ATG5: variants seen among roughly 807,000 people sequenced by gnomAD.
The protein encoded by ATG5 is autophagy related 5.
Under a neutral mutation model 36.5 loss-of-function variants are expected in ATG5, and 14 were observed. The ratio of observed to expected loss-of-function variants is 0.38; its 90% CI spans 0.25 to 0.60. The LOEUF is 0.60. Among genes scored for constraint, ATG5 ranks in the 20% least tolerant of loss-of-function variants. The pLI, the probability that ATG5 is intolerant of heterozygous loss-of-function variation, is 0.60. For missense variants in ATG5, 195 were observed against 326.7 expected, an observed-to-expected ratio of 0.60 and a Z score of 3.11; for synonymous variants, 95 against 101.5, an observed-to-expected ratio of 0.94 and a Z score of 0.38.
At chr6:106,225,618 T>A (rs1394861007) in intron 6 of ATG5, among the ~76,000 whole-genome samples, 1 of 152,128 alleles carries the variant, frequency 6.6e-6, no homozygotes, top group African/African-American at 2.4e-5. Context: ...GAATATACTC[T>A]CCTCCATAAA....
intron 3 of ATG5, among the ~76,000 whole-genome samples, chr6:106,306,383 G>A (rs937419943): frequency 1.8e-4 from 27 of 152,178 alleles, no homozygotes; most frequent in African/African-American, 6.5e-4. Context: ...GCTAAATTGA[G>A]GTTTCCCAAA....
rs116395787 is a variant in ATG5 at position 106,262,791 on chromosome 6, T to C, written c.479-14547A>G. On this transcript the variant is annotated intron_variant, in intron 5 of 7. Coordinates refer to ENST00000369076, the MANE Select transcript of ATG5 (RefSeq NM_004849.4). ...TCCCTCCCCCAGCCAAGGGAAGCCA[T>C]GAGGTACTGTGCTACCCGGCTGGGT... 4.4e-3 allele frequency among the ~76,000 whole-genome samples: 672 copies of C among 152,276 alleles called. 7 individuals are homozygous for C. Among genetic ancestry groups the C allele is most frequent in the African/African-American group, 0.015 (642 of 41,558 alleles).
At chr6:106,238,370 G>A (rs1777980161) in intron 6 of ATG5, among the ~76,000 whole-genome samples, 1 of 152,182 alleles carries the variant, frequency 6.6e-6, no homozygotes, top group East Asian at 1.9e-4. Context: ...ATTAAAGACA[G>A]CTTACCCCAA....
intron 6 of ATG5, among the ~76,000 whole-genome samples, chr6:106,220,300 T>TA: frequency 6.6e-6 from 1 of 152,318 alleles, no homozygotes. Flanking sequence ...TAACTGTACT[T>TA]ATATCATCTC....
chr6:106,319,975 A>G (rs2114687818), intron 1 of ATG5, among the ~76,000 whole-genome samples: 1 of 152,388 alleles, frequency 6.6e-6, no homozygotes, highest in Non-Finnish European at 1.5e-5. Flanking sequence ...TACTACTTTA[A>G]ATATCAAGTA....
chr6:106,286,522 C>T (rs927156956), intron 4 of ATG5, among the ~76,000 whole-genome samples: 2 of 152,122 alleles, frequency 1.3e-5, no homozygotes, highest in Non-Finnish European at 2.9e-5. Flanking sequence ...GTTTGCATGA[C>T]CCTCCATGAT....
intron 5 of ATG5, among the ~76,000 whole-genome samples, chr6:106,274,429 AG>A (rs1364457162): frequency 7.2e-5 from 11 of 152,300 alleles, no homozygotes; most frequent in African/African-American, 2.6e-4. Context: ...CAGAGTTCTG[AG>A]AAATTAAAAT....
chr6:106,298,028 G>T (rs193009988), intron 3 of ATG5, among the ~76,000 whole-genome samples: 1 of 149,910 alleles, frequency 6.7e-6, no homozygotes, highest in Non-Finnish European at 1.5e-5. Context: ...GCAGTTGTGC[G>T]ATCTTGGCTC....
At chr6:106,302,408 G>C (rs1184002662) in intron 3 of ATG5, among the ~76,000 whole-genome samples, 1 of 151,898 alleles carries the variant, frequency 6.6e-6, no homozygotes, top group Non-Finnish European at 1.5e-5. Flanking sequence ...GTCAGAATAG[G>C]GTTCTTGAGG....
At chr6:106,313,866 A>G (rs137958546) in intron 2 of ATG5, among the ~76,000 whole-genome samples, 43 of 152,328 alleles carry the variant, frequency 2.8e-4, no homozygotes, top group African/African-American at 9.4e-4. Context: ...GTACGTATTA[A>G]CTTACACTTA....
intron 6 of ATG5, among the ~76,000 whole-genome samples, chr6:106,206,219 G>T (rs2791119): frequency 1.3e-4 from 19 of 150,320 alleles, no homozygotes; most frequent in African/African-American, 4.2e-4. Context: ...AGAGGCCCCA[G>T]GGAGCTTGTA....
At chr6:106,225,152 C>A (rs1040031526) in intron 6 of ATG5, among the ~76,000 whole-genome samples, 2 of 152,158 alleles carry the variant, frequency 1.3e-5, no homozygotes, top group Admixed American at 1.3e-4. Flanking sequence ...TCACAATAAC[C>A]CTATTTTACA....
chr6:106,230,406 A>C (rs1777631306), intron 6 of ATG5, among the ~76,000 whole-genome samples: 2 of 152,172 alleles, frequency 1.3e-5, no homozygotes, highest in Non-Finnish European at 2.9e-5. Context: ...CTGAGCACAA[A>C]GGCAATGTTG....
chr6:106,189,235 G>GTA (rs1775883158), intron 7 of ATG5, among the ~76,000 whole-genome samples: 1 of 152,146 alleles, frequency 6.6e-6, no homozygotes, highest in Non-Finnish European at 1.5e-5. Flanking sequence ...TAAGCCAAAT[G>GTA]TATATGCTAT....
chr6:106,257,644 C>T lies in ATG5; in HGVS notation c.479-9400G>A, dbSNP rs1778850992. On this transcript the variant is annotated intron_variant, in intron 5 of 7. Coordinates refer to ENST00000369076, the MANE Select transcript of ATG5 (RefSeq NM_004849.4). ...TTCTGTGAACTCATTTCCTCATTTG[C>T]AAAGATGGTAATATTTATCTAATTC... Among the ~76,000 whole-genome samples the T allele has an allele frequency of 3.3e-5, 5 of 152,148 alleles. No individual in the cohort carries two copies. The South Asian group carries it at 1.0e-3, about 32-fold the overall frequency.
intron 6 of ATG5, among the ~76,000 whole-genome samples, chr6:106,206,619 C>T (rs1478295367): frequency 1.3e-5 from 2 of 149,526 alleles, no homozygotes; most frequent in Non-Finnish European, 3.0e-5. Flanking sequence ...CATTGAACTC[C>T]AGCCTGGGCA....
At chr6:106,212,507 C>T (rs1037467376) in intron 6 of ATG5, among the ~76,000 whole-genome samples, 7 of 152,086 alleles carry the variant, frequency 4.6e-5, no homozygotes, top group East Asian at 1.9e-4. Context: ...GGCGCTGTGG[C>T]GGGTGCTTGT....
At chr6:106,279,504 A>G (rs1779793571) in intron 5 of ATG5, among the ~76,000 whole-genome samples, 157 bp downstream of exon 5, 1 of 152,210 alleles carries the variant, frequency 6.6e-6, no homozygotes, top group African/African-American at 2.4e-5. Context: ...AGCAGAATGT[A>G]AGGGATGACT....
At chr6:106,273,439 G>A (rs1287109785) in intron 5 of ATG5, among the ~76,000 whole-genome samples, 2 of 152,170 alleles carry the variant, frequency 1.3e-5, no homozygotes, top group Admixed American at 1.3e-4. Flanking sequence ...AAGTCCTTTT[G>A]AAATGAACTG....
Sources: gnomAD v4.1 joint callset for allele counts (sites outside exome capture counted in the v4.1 genomes callset) on GRCh38, gnomAD v4.1.1 for gene constraint, MANE v1.5 for transcripts, NCBI Gene and HGNC (gene_info 2026-07-23, HGNC 2026-07-21) for gene names.